The following CAPN15 variants were observed in gnomAD, a reference collection of about 807,000 sequenced individuals.
CAPN15 encodes the protein calpain-15.
In CAPN15, 53 loss-of-function variants were observed where a neutral mutation model predicts 97.9. That is an observed-to-expected ratio of 0.54 (90% CI 0.43 to 0.68). The LOEUF (loss-of-function observed/expected upper bound fraction) is 0.68. Ranked by LOEUF, CAPN15 falls within the 30% of genes least tolerant of loss-of-function variation. The pLI is 0.00. For synonymous variants in CAPN15, 922 were observed against 722.5 expected (o/e 1.28, Z -4.43); for missense variants, 1,592 against 1,589.8 (o/e 1.00, Z -0.02).
rs543910386 is a variant in CAPN15, at chr16:544,687, C to CCA, written c.-22-2129_-22-2128insAC. Among the ~76,000 whole-genome samples the CCA allele has an allele frequency of 7.4e-4, 105 of 142,348 alleles. 3 individuals are homozygous for CCA. The highest frequency in any genetic ancestry group is 2.7e-3 in the African/African-American group (98 of 36,222). The allele number at this position is 142,348 out of a possible 152,430, so 93.4% of individuals were successfully genotyped here. A position where few individuals can be genotyped will look rare whatever the true frequency, so the allele number is the denominator to read the frequency against. ...TGGCCTCTGTGCAGTAAGGAGCGGC[C>CCA]CGTCGCCTCCCCCACGTCGCCTCCC... On this transcript the variant is annotated intron_variant, in intron 3 of 13. Coordinates refer to ENST00000219611, the MANE Select transcript of CAPN15 (RefSeq NM_005632.3).
intron 1 of CAPN15, among the ~76,000 whole-genome samples, chr16:532,835 A>G (rs1484163849): frequency 1.3e-5 from 2 of 151,228 alleles, no homozygotes; most frequent in Non-Finnish European, 2.9e-5. Flanking sequence ...CCTGGGCAAC[A>G]GAGCGAGACT....
intron 3 of CAPN15, chr16:537,432 G>C (rs779926863): frequency 5.1e-6 from 5 of 985,720 alleles, no homozygotes; most frequent in Non-Finnish European, 6.0e-6. Context: ...CAGGTGCCAC[G>C]TGGGTGAGTG....
chr16:528,488 G>T (rs1229135101), intron 1 of CAPN15, among the ~76,000 whole-genome samples: 1 of 152,216 alleles, frequency 6.6e-6, no homozygotes, highest in African/African-American at 2.4e-5. Context: ...GCCACCTGGC[G>T]TGGAGGGGCT....
chr16:536,030 C>T lies in CAPN15; in HGVS notation c.-135C>T. On this transcript the variant is annotated splice_region_variant and 5_prime_UTR_variant, in exon 3 of 14. Transcript: ENST00000219611. ...CCCCCCCCCCCCCCGGTTATTCAGA[C>T]AGGGAGCCAGGATGGGAACCACGGA... 1 of 208,024 alleles carries T rather than the reference C, an allele frequency of 4.8e-6. No homozygotes were observed. Among genetic ancestry groups the T allele is most frequent in the Non-Finnish European group, 7.2e-6 (1 of 139,148 alleles). The allele number at this position is 208,024 out of a possible 1,614,324, so 12.9% of individuals were successfully genotyped here.
At chr16:548,649 C>CTA (rs1466768396) in intron 4 of CAPN15, among the ~76,000 whole-genome samples, 1 of 152,234 alleles carries the variant, frequency 6.6e-6, no homozygotes, top group Non-Finnish European at 1.5e-5. Flanking sequence ...GCTCCGCCCT[C>CTA]TAGAGTCCAG....
At chr16:546,383 G>C (rs745546217) in intron 3 of CAPN15, among the ~76,000 whole-genome samples, 25 of 152,224 alleles carry the variant, frequency 1.6e-4, no homozygotes, top group Non-Finnish European at 3.2e-4. Context: ...GCTCAGATCA[G>C]CCTGTGCCTT....
intron 3 of CAPN15, chr16:537,537 G>C: frequency 1.4e-6 from 1 of 723,390 alleles, no homozygotes; most frequent in Non-Finnish European, 1.7e-6. Flanking sequence ...AGCCAAACCA[G>C]CTCAGGGCCC....
At position 549,475 on chromosome 16, in the gene CAPN15, G is replaced by C. The variant is rs759766924; in HGVS notation, c.1842+4G>C. ...CGGCTGCCTCCTCTTCTCACAGGTG[G>C]GGCGGCCTGCAGGGTGGGCACGGGC... is the stretch of plus-strand genomic sequence containing the variant. On this transcript the variant is annotated splice_donor_region_variant and intron_variant, in intron 6 of 13. Coordinates refer to ENST00000219611, the MANE Select transcript of CAPN15 (RefSeq NM_005632.3). The C allele has an allele frequency of 4.0e-5, 64 of 1,585,928 alleles. No individual in the cohort carries two copies. The highest frequency in any genetic ancestry group is 3.4e-6 in the Non-Finnish European group (4 of 1,172,586).
At chr16:543,755 G>A (rs1043029253) in intron 3 of CAPN15, among the ~76,000 whole-genome samples, 16 of 152,186 alleles carry the variant, frequency 1.1e-4, no homozygotes, top group Admixed American at 3.3e-4. Flanking sequence ...ATGCACAGGC[G>A]ACCCCTGCCG....
Position 553,571 on chromosome 16 carries a change from A to G in CAPN15, c.*55A>G. Reference sequence around the variant, plus strand: ...AGACGGACCCCCCACCCCCACACGCACTTTATGAGGGAGACCCCGACAGAG... The same window carrying G: ...AGACGGACCCCCCACCCCCACACGCGCTTTATGAGGGAGACCCCGACAGAG... On this transcript the variant is annotated 3_prime_UTR_variant, in exon 14 of 14. Coordinates refer to ENST00000219611, the MANE Select transcript of CAPN15 (RefSeq NM_005632.3). The G allele has an allele frequency of 9.1e-7, 1 of 1,100,128 alleles. No individual in the cohort carries two copies. Among genetic ancestry groups the G allele is most frequent in the South Asian group, 1.5e-5 (1 of 67,272 alleles). The allele number at this position is 1,100,128 out of a possible 1,614,324, so 68.1% of individuals were successfully genotyped here. A position where few individuals can be genotyped will look rare whatever the true frequency, so the allele number is the denominator to read the frequency against.
rs1453610692 is a variant in CAPN15, at chr16:534,021, CGGCTCGTTTAT to C, written c.-137+26_-137+36del. 4.1e-6 allele frequency: 4 copies of C among 982,828 alleles called. No individual in the cohort carries two copies. The Admixed American group carries it at 2.5e-4, about 60-fold the overall frequency. The allele number at this position is 982,828 out of a possible 1,614,324, so 60.9% of individuals were successfully genotyped here. On this transcript the variant is annotated intron_variant, in intron 2 of 13. Transcript: ENST00000219611. Reference sequence around the variant, plus strand: ...CAGGTGAGTTTGTTCCCAAGCCCTGCGGCTCGTTTATGGGTTTGCTTGCGCTGCAGAACTGT... The same window carrying C: ...CAGGTGAGTTTGTTCCCAAGCCCTGCGGGTTTGCTTGCGCTGCAGAACTGT...
chr16:552,038 C>A lies in CAPN15; in HGVS notation c.2346-13C>A. 6.5e-7 allele frequency: 1 copy of A among 1,547,198 alleles called. No homozygotes were observed. The highest frequency in any genetic ancestry group is 2.0e-5 in the Admixed American group (1 of 50,850). ...GTGGTAGGCTCAGGGCCCCGTCCTC[C>A]CGCCACCTGCAGGTACTTCGACTCC... On this transcript the variant is annotated splice_polypyrimidine_tract_variant and intron_variant, in intron 9 of 13. Transcript: ENST00000219611. This position sits in a 1 kb window ranked among gnomAD's most constrained non-coding sequence, Gnocchi z 6.4.
chr16:534,202 G>T (rs2033501375), intron 2 of CAPN15, among the ~76,000 whole-genome samples: 2 of 152,410 alleles, frequency 1.3e-5, no homozygotes, highest in East Asian at 1.9e-4. Flanking sequence ...GTCGTGGGAG[G>T]CGACGGTGAG....
chr16:554,331 C>CT lies in CAPN15; in HGVS notation c.*816dup. ...CAGAAGCCCAGGAGTGTGTGGACGTCTGAGCCCAGCTTTCTGCGTGCCCTC... is the reference window on the plus strand; with the variant it reads ...CAGAAGCCCAGGAGTGTGTGGACGTCTTGAGCCCAGCTTTCTGCGTGCCCTC... On this transcript the variant is annotated 3_prime_UTR_variant, in exon 14 of 14. Transcript: ENST00000219611. 2.7e-6 allele frequency: 1 copy of CT among 368,322 alleles called. No individual in the cohort carries two copies. Among genetic ancestry groups the CT allele is most frequent in the South Asian group, 2.0e-5 (1 of 49,390 alleles). The allele number at this position is 368,322 out of a possible 1,614,324, so 22.8% of individuals were successfully genotyped here.
chr16:534,447 C>T (rs1395275807), intron 2 of CAPN15, among the ~76,000 whole-genome samples: 2 of 152,142 alleles, frequency 1.3e-5, no homozygotes, highest in African/African-American at 4.8e-5. Flanking sequence ...TTGGGGCGGG[C>T]GGTCGGAGTC....
At chr16:538,343 G>A (rs111793596) in intron 3 of CAPN15, 1 of 151,850 alleles carries the variant, frequency 6.6e-6, no homozygotes, top group East Asian at 1.9e-4. Context: ...AAAAGCCATT[G>A]TTGACTTGCG....
At chr16:550,825 G>A (rs1567157090) in intron 7 of CAPN15, among the ~76,000 whole-genome samples, 1 of 78,998 alleles carries the variant, frequency 1.3e-5, no homozygotes, top group Non-Finnish European at 2.8e-5. Context: ...GTCGGTGAGG[G>A]TGCCCCGTCG....
At chr16:540,098 C>T (rs1283354140) in intron 3 of CAPN15, 4 of 985,316 alleles carry the variant, frequency 4.1e-6, no homozygotes, top group African/African-American at 1.7e-5. Context: ...CCCAGCCGGC[C>T]GTCCTGTCTC....
In CAPN15 at chr16:552,852, C is replaced by T. The variant is rs1172893006; in HGVS notation, c.2905-11C>T. The stretch of plus-strand genomic sequence containing the variant: ...CCTCCCCTGCCCCACAACTGCCATT[C>T]CTGTGCCCAGGGCCGTGAGGGCATG... On this transcript the variant is annotated splice_polypyrimidine_tract_variant and intron_variant, in intron 12 of 13. Coordinates refer to ENST00000219611, the MANE Select transcript of CAPN15 (RefSeq NM_005632.3). The surrounding 1 kb of genome is among the most constrained non-coding windows in gnomAD (Gnocchi z 6.4). The T allele has an allele frequency of 5.9e-6, 9 of 1,522,770 alleles. No homozygotes were observed. Among genetic ancestry groups the T allele is most frequent in the Non-Finnish European group, 8.0e-6 (9 of 1,121,284 alleles). 94.3% of individuals were successfully genotyped at this position (1,522,770 alleles called of 1,614,324 possible).
Sources: allele counts gnomAD v4.1 joint callset (sites outside exome capture counted in the v4.1 genomes callset), GRCh38; gene constraint gnomAD v4.1.1; non-coding constraint Gnocchi (gnomAD v3.1); transcripts MANE v1.5; gene names NCBI Gene and HGNC (gene_info 2026-07-23, HGNC 2026-07-21).